GABRG3: variants seen among roughly 807,000 people sequenced by gnomAD.
The protein encoded by GABRG3 is gamma-aminobutyric acid receptor subunit gamma-3.
In GABRG3, 25 loss-of-function variants were observed where a neutral mutation model predicts 48.8. The observed-to-expected ratio is 0.51, with a 90% CI of 0.37 to 0.72. The LOEUF is 0.72. Ranked by LOEUF, GABRG3 falls within the 30% of genes least tolerant of loss-of-function variation. The pLI is 0.00. For missense variants in GABRG3, 394 were observed against 577.9 expected, an observed-to-expected ratio of 0.68 and a Z score of 3.26; for synonymous variants, 227 against 217.6, an observed-to-expected ratio of 1.04 and a Z score of -0.38.
At chr15:27,092,513 C>T (rs554099271) in intron 3 of GABRG3, among the ~76,000 whole-genome samples, 5 of 152,326 alleles carry the variant, frequency 3.3e-5, no homozygotes, top group African/African-American at 7.2e-5. Context: ...CCGCAGCACT[C>T]ACAGGTAATG....
At chr15:27,523,218 A>G (rs1891198241) in intron 7 of GABRG3, among the ~76,000 whole-genome samples, 1 of 151,898 alleles carries the variant, frequency 6.6e-6, no homozygotes, top group African/African-American at 2.4e-5. Flanking sequence ...AACATTTCTG[A>G]CATGAAAACA....
intron 3 of GABRG3, among the ~76,000 whole-genome samples, chr15:27,194,228 AT>A (rs1416104821): frequency 1.3e-5 from 2 of 152,168 alleles, no homozygotes; most frequent in South Asian, 2.1e-4. Flanking sequence ...TATCTTAGGT[AT>A]TTCCTGTATA....
At chr15:27,134,756 T>TGCCCTCCA (rs1482255259) in intron 3 of GABRG3, among the ~76,000 whole-genome samples, 2 of 152,192 alleles carry the variant, frequency 1.3e-5, no homozygotes, top group East Asian at 3.9e-4. Flanking sequence ...TCCACAGAGG[T>TGCCCTCCA]ACTATGCGAT....
At chr15:27,468,812 A>G (rs750146971) in intron 5 of GABRG3, among the ~76,000 whole-genome samples, 4 of 152,250 alleles carry the variant, frequency 2.6e-5, no homozygotes, top group Non-Finnish European at 4.4e-5. Context: ...TATCAGCTTA[A>G]TAAGAAAAGA....
intron 3 of GABRG3, 81 bp downstream of exon 3, chr15:27,026,902 A>G: frequency 1.0e-6 from 1 of 954,092 alleles, no homozygotes; most frequent in Non-Finnish European, 1.5e-6. Context: ...TCTGTTTGAG[A>G]TTTATCATGC....
At chr15:27,327,791 G>A (rs1412571640) in intron 4 of GABRG3, among the ~76,000 whole-genome samples, 2 of 152,048 alleles carry the variant, frequency 1.3e-5, no homozygotes, top group Non-Finnish European at 2.9e-5. Context: ...CACTCTCACT[G>A]CCCCGGGGCA....
At chr15:27,355,664 G>A (rs558250325) in intron 5 of GABRG3, among the ~76,000 whole-genome samples, 1 of 152,202 alleles carries the variant, frequency 6.6e-6, no homozygotes, top group Non-Finnish European at 1.5e-5. Context: ...ACAAAAACTT[G>A]TACATGAATG....
chr15:27,145,658 T>TA (rs995474380), intron 3 of GABRG3, among the ~76,000 whole-genome samples: 4 of 144,202 alleles, frequency 2.8e-5, no homozygotes, highest in African/African-American at 1.1e-4. Flanking sequence ...TCTATCTATC[T>TA]ATCTATTGTG....
intron 3 of GABRG3, among the ~76,000 whole-genome samples, chr15:27,274,145 T>C (rs916490283): frequency 6.6e-6 from 1 of 152,160 alleles, no homozygotes; most frequent in African/African-American, 2.4e-5. Flanking sequence ...CCTTCACTTA[T>C]GTATTGTATA....
chr15:27,501,023 C>T (rs34517665), intron 6 of GABRG3, among the ~76,000 whole-genome samples: 64,688 of 146,778 alleles, frequency 0.44, 14,695 homozygotes, highest in Non-Finnish European at 0.5. Flanking sequence ...GCGATCTCGG[C>T]TCACTGCAAG....
chr15:27,109,130 C>T (rs1282622067), intron 3 of GABRG3, among the ~76,000 whole-genome samples: 1 of 152,154 alleles, frequency 6.6e-6, no homozygotes, highest in Non-Finnish European at 1.5e-5. Flanking sequence ...GGTTGCAGAG[C>T]ATATACTTAC....
intron 5 of GABRG3, among the ~76,000 whole-genome samples, chr15:27,379,031 T>A (rs1382235505): frequency 6.6e-6 from 1 of 152,222 alleles, no homozygotes; most frequent in African/African-American, 2.4e-5. Flanking sequence ...AATGTTTGTA[T>A]GTGTGAATTT....
intron 3 of GABRG3, among the ~76,000 whole-genome samples, chr15:27,326,327 A>G (rs1030728329): frequency 6.6e-6 from 1 of 152,246 alleles, no homozygotes; most frequent in Non-Finnish European, 1.5e-5. Flanking sequence ...TAACTATTAT[A>G]TGAATGAATA....
chr15:27,411,533 A>G (rs1010984700), intron 5 of GABRG3, among the ~76,000 whole-genome samples: 7 of 152,318 alleles, frequency 4.6e-5, no homozygotes, highest in South Asian at 2.1e-4. Context: ...CTCTGCTTCA[A>G]CTGTTCCAAG....
intron 3 of GABRG3, among the ~76,000 whole-genome samples, chr15:27,087,146 G>A (rs961087161): frequency 2.6e-5 from 4 of 152,228 alleles, no homozygotes; most frequent in Admixed American, 1.3e-4. Flanking sequence ...TCCAGTCTGC[G>A]TCTTCAGCAG....
intron 2 of GABRG3, among the ~76,000 whole-genome samples, chr15:26,993,625 G>A (rs1431577545): frequency 1.3e-5 from 2 of 151,924 alleles, no homozygotes; most frequent in Admixed American, 6.6e-5. Context: ...ATAACATATG[G>A]TATACCCTTG....
intron 3 of GABRG3, among the ~76,000 whole-genome samples, chr15:27,244,688 T>A (rs375037264): frequency 2.2e-4 from 33 of 152,134 alleles, no homozygotes; most frequent in African/African-American, 7.7e-4. Context: ...GAGGCTGAGG[T>A]GGGAGGATCG....
At chr15:27,503,612 A>G (rs1370146583) in intron 6 of GABRG3, among the ~76,000 whole-genome samples, 1 of 152,166 alleles carries the variant, frequency 6.6e-6, no homozygotes, top group Non-Finnish European at 1.5e-5. Context: ...AATACAGTCT[A>G]TTTGATGTGC....
At chr15:27,257,930 G>A (rs116015140) in intron 3 of GABRG3, among the ~76,000 whole-genome samples, 1,811 of 134,886 alleles carry the variant, frequency 0.013, 37 homozygotes, top group East Asian at 0.065. Flanking sequence ...TGTTATAGAC[G>A]TGAGCCTTGT....
Sources: gnomAD v4.1 joint callset for allele counts (sites outside exome capture counted in the v4.1 genomes callset) on GRCh38, gnomAD v4.1.1 for gene constraint, MANE v1.5 for transcripts, NCBI Gene and HGNC (gene_info 2026-07-23, HGNC 2026-07-21) for gene names.